Variants in POLK observed in about 807,000 individuals in gnomAD.
The protein encoded by POLK is DNA polymerase kappa, also known as polymerase (DNA directed) kappa.
In POLK, 76 loss-of-function variants were observed where a neutral mutation model predicts 94.0. The ratio of observed to expected loss-of-function variants is 0.81; its 90% CI spans 0.67 to 0.98. The LOEUF is 0.98. Ranked by LOEUF, POLK falls within the 50% of genes least tolerant of loss-of-function variation. POLK has a pLI of 0.00. For missense variants in POLK, 954 were observed against 1,010.1 expected (o/e 0.94, Z 0.75); for synonymous variants, 349 against 325.4 (o/e 1.07, Z -0.78).
intron 3 of POLK, among the ~76,000 whole-genome samples, chr5:75,568,024 A>G (rs1771372712): frequency 6.6e-6 from 1 of 152,208 alleles, no homozygotes; most frequent in African/African-American, 2.4e-5. Context: ...ACATAAAAAA[A>G]ATTCTGCAGA....
intron 3 of POLK, among the ~76,000 whole-genome samples, chr5:75,562,329 G>A (rs939784802): frequency 5.3e-5 from 8 of 152,108 alleles, no homozygotes; most frequent in Admixed American, 2.0e-4. Flanking sequence ...TTGGTGTATA[G>A]GAAAGTTTGT....
chr5:75,596,725 T>G lies in POLK; in HGVS notation c.2032T>G (p.Ser678Ala), dbSNP rs140527373. Residue 678 changes from serine (S) to alanine (A), a missense_variant, in exon 13 of 15, where the codon TCT becomes GCT. Coordinates refer to ENST00000241436, the Ensembl canonical transcript of POLK. ...TAACAAGAAAGAAAATGTTCCTGCT[T>G]CTTCACTTTGTGAGAAGCAAGATTA... is the stretch of plus-strand genomic sequence containing the variant. The G allele has an allele frequency of 2.6e-5, 42 of 1,613,754 alleles. No individual in the cohort carries two copies. In the African/African-American group the frequency reaches 5.5e-4, roughly 21 times the overall value.
rs58783164 is a variant in POLK, at chr5:75,595,248, G to GAAAAAAAAAAA, written c.1529-959_1529-949dup. Among the ~76,000 whole-genome samples, 33 of 24,882 alleles carry GAAAAAAAAAAA rather than the reference G, an allele frequency of 1.3e-3. 4 individuals are homozygous for GAAAAAAAAAAA. Among genetic ancestry groups the GAAAAAAAAAAA allele is most frequent in the Non-Finnish European group, 2.4e-3 (26 of 10,886 alleles). The allele number at this position is 24,882 out of a possible 152,430, so 16.3% of individuals were successfully genotyped here. A position where few individuals can be genotyped will look rare whatever the true frequency, so the allele number is the denominator to read the frequency against. On this transcript the variant is annotated intron_variant, in intron 12 of 14. Transcript: ENST00000241436. ...GCAACAAGAGTGAAACTCCACCTCA[G>GAAAAAAAAAAA]AAAAAAAAAAAAAAAAAAAAAAAAA...
intron 1 of POLK, among the ~76,000 whole-genome samples, chr5:75,541,426 T>C (rs962646943): frequency 5.3e-5 from 8 of 152,360 alleles, no homozygotes; most frequent in Admixed American, 2.6e-4. Context: ...TTTCCACTTA[T>C]TGTTCTATAA....
At chr5:75,520,192 C>T (rs1339733418) in intron 1 of POLK, among the ~76,000 whole-genome samples, 2 of 152,132 alleles carry the variant, frequency 1.3e-5, no homozygotes, top group Non-Finnish European at 2.9e-5. Flanking sequence ...AACTCTATCA[C>T]CCCTAAAATT....
intron 6 of POLK, 29 bp from the exon 7 acceptor site, chr5:75,581,180 G>A: frequency 1.3e-6 from 2 of 1,492,086 alleles, no homozygotes; most frequent in South Asian, 2.3e-5. Context: ...TTAAAATAAA[G>A]GTGAGTTATT....
downstream of POLK, among the ~76,000 whole-genome samples, chr5:75,603,461 C>G (rs545358556): frequency 2.0e-5 from 3 of 150,218 alleles, no homozygotes; most frequent in Non-Finnish European, 4.4e-5. Context: ...CAAAAGCTCT[C>G]AACTGTCTCC....
chr5:75,527,248 T>C (rs891037173), intron 1 of POLK, among the ~76,000 whole-genome samples: 2 of 151,968 alleles, frequency 1.3e-5, no homozygotes, highest in African/African-American at 4.8e-5. Flanking sequence ...GGTGCAGTGG[T>C]TCACACCCCT....
At chr5:75,564,040 T>C (rs1343725437) in intron 3 of POLK, among the ~76,000 whole-genome samples, 1 of 152,340 alleles carries the variant, frequency 6.6e-6, no homozygotes, top group Non-Finnish European at 1.5e-5. Context: ...AGTCTCTTTG[T>C]AGGTCTCTAA....
At chr5:75,581,426 A>G in exon 7 of POLK, 1 of 1,613,678 alleles carries the variant, frequency 6.2e-7, no homozygotes, top group Non-Finnish European at 8.5e-7. Flanking sequence ...TTGAGCAGAA[A>G]ACAACACTGA....
At chr5:75,530,425 G>C (rs1198822512) in intron 1 of POLK, among the ~76,000 whole-genome samples, 2 of 46,470 alleles carry the variant, frequency 4.3e-5, no homozygotes, top group Non-Finnish European at 7.9e-5. Flanking sequence ...TTTTTTTTGA[G>C]TTGGAATCTC....
intron 12 of POLK, 95 bp downstream of exon 12, chr5:75,594,144 G>C (rs1349556448): frequency 2.7e-6 from 2 of 751,844 alleles, no homozygotes; most frequent in Non-Finnish European, 4.4e-6. Context: ...ACTTAACAAT[G>C]GTTCAACTTA....
chr5:75,522,317 G>C (rs1326378198), intron 1 of POLK, among the ~76,000 whole-genome samples: 3 of 152,176 alleles, frequency 2.0e-5, no homozygotes, highest in Admixed American at 6.5e-5. Context: ...TCTGCTTGGA[G>C]TCTTTTTCAC....
Position 75,543,454 on chromosome 5 carries a change from G to A in POLK, c.-13-3556G>A, listed in dbSNP as rs561069915. Among the ~76,000 whole-genome samples the A allele has an allele frequency of 1.2e-3, 182 of 152,148 alleles. 1 individual carries two copies. The highest frequency in any genetic ancestry group is 1.2e-3 in the Admixed American group (19 of 15,270). On this transcript the variant is annotated intron_variant, in intron 1 of 14. Transcript: ENST00000241436. ...GTGTATGAGAAAGAGAGGGGTCAAC[G>A]ATGACTCCTGGGTTATTTGCATGAG...
downstream of POLK, among the ~76,000 whole-genome samples, chr5:75,602,060 C>T (rs1773307473): frequency 6.6e-6 from 1 of 152,178 alleles, no homozygotes; most frequent in Non-Finnish European, 1.5e-5. Flanking sequence ...TCACAAGCTT[C>T]CTGGTGCCTC....
chr5:75,598,187 CT>C (rs1773191834), exon 15 of POLK: 4 of 363,762 alleles, frequency 1.1e-5, no homozygotes, highest in African/African-American at 8.5e-5. Flanking sequence ...TTCTGTGTAT[CT>C]TTTTTATAAC....
intron 2 of POLK, among the ~76,000 whole-genome samples, chr5:75,550,117 C>T (rs1356332910): frequency 6.6e-6 from 1 of 152,148 alleles, no homozygotes; most frequent in Non-Finnish European, 1.5e-5. Context: ...TGGAACACTT[C>T]CCAACTCCTA....
exon 13 of POLK, chr5:75,597,170 G>A: frequency 6.6e-7 from 1 of 1,506,494 alleles, no homozygotes; most frequent in Non-Finnish European, 9.2e-7. Flanking sequence ...GAAAGCTCCA[G>A]AAGTACTGGT....
At chr5:75,605,157 A>ACACACACT (rs1207337276), downstream of POLK, among the ~76,000 whole-genome samples, 5 of 138,310 alleles carry the variant, frequency 3.6e-5, no homozygotes, top group African/African-American at 1.3e-4. Context: ...ACACACACAC[A>ACACACACT]CTACCTCTGC....
Sources: gnomAD v4.1 joint callset for allele counts (sites outside exome capture counted in the v4.1 genomes callset) on GRCh38, gnomAD v4.1.1 for gene constraint, MANE v1.5 for transcripts, NCBI Gene and HGNC (gene_info 2026-07-23, HGNC 2026-07-21) for gene names.